The following RASSF8 variants were observed in gnomAD, a reference collection of about 807,000 sequenced individuals.
RASSF8 encodes the protein Ras association domain family member 8, also known as ras association domain-containing protein 8.
RASSF8 carries 22 observed loss-of-function variants against 48.5 expected under a neutral mutation model. The observed-to-expected ratio is 0.45, with a 90% confidence interval of 0.32 to 0.65. The LOEUF is 0.65. Ranked by LOEUF, RASSF8 falls within the 30% of genes least tolerant of loss-of-function variation. RASSF8 has a pLI of 0.03. For synonymous variants in RASSF8, 127 were observed against 171.5 expected (o/e 0.74, Z 2.03); for missense variants, 418 against 489.2 (o/e 0.85, Z 1.37).
intron 2 of RASSF8, among the ~76,000 whole-genome samples, chr12:26,034,117 C>A (rs1237463816): frequency 6.6e-6 from 1 of 151,924 alleles, no homozygotes; most frequent in African/African-American, 2.4e-5. Flanking sequence ...ATGTGGCTGC[C>A]TCACAAAGGT....
At chr12:26,047,693 C>T (rs1030852941) in intron 2 of RASSF8, among the ~76,000 whole-genome samples, 2 of 152,138 alleles carry the variant, frequency 1.3e-5, no homozygotes, top group Admixed American at 6.6e-5. Context: ...TGGTAACTAC[C>T]GTCTCTAGCA....
At chr12:25,994,273 AT>A (rs539646043) in intron 1 of RASSF8, among the ~76,000 whole-genome samples, 465 of 39,748 alleles carry the variant, frequency 0.012, 4 homozygotes, top group East Asian at 0.083. Flanking sequence ...GTCTGGATAG[AT>A]TTTTAAAAAA....
chr12:25,992,863 G>T (rs1942046707), intron 1 of RASSF8, among the ~76,000 whole-genome samples: 1 of 152,188 alleles, frequency 6.6e-6, no homozygotes, highest in South Asian at 2.1e-4. Context: ...TTATGGTTAG[G>T]AACATTTTGT....
Position 26,065,001 on chromosome 12 carries a change from G to A in RASSF8, c.607G>A (p.Glu203Lys), listed in dbSNP as rs145936448. 6.2e-7 allele frequency: 1 copy of A among 1,612,890 alleles called. No individual in the cohort carries two copies. Among genetic ancestry groups the A allele is most frequent in the Non-Finnish European group, 8.5e-7 (1 of 1,179,730 alleles). The part of the protein sequence containing the change: ...FWEQKYNSNL[E>K]EEIVRLEQKI... The stretch of plus-strand genomic sequence containing the variant: ...GGAGCAAAAGTATAATTCCAACCTT[G>A]AAGAGGAAATTGTCCGTCTAGAGCA... The change falls in exon 4 of 6, where the codon GAA (glutamate) becomes AAA (lysine). Residue 203 changes from glutamate (E) to lysine (K), a missense_variant. Glu to Lys is a moderately conservative substitution (Grantham distance 56). Transcript: ENST00000689635.
At chr12:26,039,266 C>T (rs565757710) in intron 2 of RASSF8, among the ~76,000 whole-genome samples, 7 of 151,932 alleles carry the variant, frequency 4.6e-5, no homozygotes, top group Non-Finnish European at 8.8e-5. Flanking sequence ...GCAGGTGGAA[C>T]GTGATCTCTC....
chr12:26,027,783 T>C (rs1205031733), intron 2 of RASSF8, among the ~76,000 whole-genome samples: 1 of 152,170 alleles, frequency 6.6e-6, no homozygotes, highest in African/African-American at 2.4e-5. Context: ...GTTACTTTGG[T>C]CACCTAGGGA....
chr12:26,073,752 C>CTCTCT (rs752383527), downstream of RASSF8, among the ~76,000 whole-genome samples: 15 of 97,928 alleles, frequency 1.5e-4, no homozygotes, highest in Admixed American at 1.0e-3. Context: ...TCTCTATACA[C>CTCTCT]ACACACACAC....
At position 26,072,159 on chromosome 12, in the gene RASSF8, A is replaced by C; in HGVS notation, c.*3341A>C. 3 of 981,410 alleles carry C rather than the reference A, an allele frequency of 3.1e-6. No homozygotes were observed. Among genetic ancestry groups the C allele is most frequent in the Non-Finnish European group, 3.6e-6 (3 of 826,258 alleles). The allele number at this position is 981,410 out of a possible 1,614,324, so 60.8% of individuals were successfully genotyped here. ...ATTTATATAACGATGCTGTGTTCAC[A>C]TCCCTCTCCTACCTAAAGTTGTCTT... On this transcript the variant is annotated 3_prime_UTR_variant, in exon 6 of 6. Coordinates refer to ENST00000689635, the MANE Select transcript of RASSF8 (RefSeq NM_001394098.1).
chr12:26,055,452 T>C lies in RASSF8; in HGVS notation c.103+6T>C. On this transcript the variant is annotated splice_donor_region_variant and intron_variant, in intron 3 of 5. Coordinates refer to ENST00000689635, the MANE Select transcript of RASSF8 (RefSeq NM_001394098.1). ...AGCCTTAGCTCAAGCAATAGGTGAG[T>C]GAACTCTGTGGGTATCTGAGAAAAG... 3 of 1,604,564 alleles carry C rather than the reference T, an allele frequency of 1.9e-6. 1 individual carries two copies. In the South Asian group the frequency reaches 3.3e-5, roughly 18 times the overall value.
At position 26,070,975 on chromosome 12, in the gene RASSF8, G is replaced by C; in HGVS notation, c.*2157G>C. 1 of 984,728 alleles carries C rather than the reference G, an allele frequency of 1.0e-6. No individual in the cohort carries two copies. 61.0% of individuals were successfully genotyped at this position (984,728 alleles called of 1,614,324 possible). A position where few individuals can be genotyped will look rare whatever the true frequency, so the allele number is the denominator to read the frequency against. On this transcript the variant is annotated 3_prime_UTR_variant, in exon 6 of 6. Coordinates refer to ENST00000689635, the MANE Select transcript of RASSF8 (RefSeq NM_001394098.1). The stretch of plus-strand genomic sequence containing the variant: ...TTGTAGTAGTCTTGGGTTCCCAGCA[G>C]AGTATCACAGTTAACCTCTCTGACA...
At chr12:26,068,629 A>T in intron 5 of RASSF8, 68 bp from the exon 6 acceptor site, 4 of 1,282,494 alleles carry the variant, frequency 3.1e-6, no homozygotes, top group Non-Finnish European at 4.3e-6. Flanking sequence ...AAGCAGTCTG[A>T]TTTTTTATAT....
At chr12:26,018,415 T>C (rs1942703382) in intron 2 of RASSF8, among the ~76,000 whole-genome samples, 1 of 152,182 alleles carries the variant, frequency 6.6e-6, no homozygotes, top group African/African-American at 2.4e-5. Context: ...AACATGTCAC[T>C]TTAACATTTT....
At chr12:25,984,224 CTTTTTTTTTTT>C (rs57275940) in intron 1 of RASSF8, among the ~76,000 whole-genome samples, 16 of 86,724 alleles carry the variant, frequency 1.8e-4, no homozygotes, top group African/African-American at 7.2e-4. Flanking sequence ...CTACACGTAG[CTTTTTTTTTTT>C]TTTTTTTTTT....
At chr12:25,970,499 A>T (rs1400312514) in intron 1 of RASSF8, among the ~76,000 whole-genome samples, 1 of 151,916 alleles carries the variant, frequency 6.6e-6, no homozygotes, top group Non-Finnish European at 1.5e-5. Flanking sequence ...ATCATTCACT[A>T]TCCTAATTTA....
intron 2 of RASSF8, among the ~76,000 whole-genome samples, chr12:26,019,464 G>T (rs1942733948): frequency 6.6e-6 from 1 of 152,042 alleles, no homozygotes; most frequent in Non-Finnish European, 1.5e-5. Flanking sequence ...TAAAATAACT[G>T]TGGTGCAACA....
At chr12:25,969,186 G>A (rs1941427790) in intron 1 of RASSF8, among the ~76,000 whole-genome samples, 1 of 152,206 alleles carries the variant, frequency 6.6e-6, no homozygotes, top group African/African-American at 2.4e-5. Context: ...AGACAGTTGA[G>A]AGTCTTGAAT....
chr12:26,073,192 G>T (rs1944033563), downstream of RASSF8, among the ~76,000 whole-genome samples: 1 of 152,178 alleles, frequency 6.6e-6, no homozygotes, highest in Admixed American at 6.5e-5. Context: ...GCAATATGGG[G>T]CACCGGTCAC....
intron 2 of RASSF8, among the ~76,000 whole-genome samples, chr12:26,017,296 A>G (rs890917186): frequency 1.3e-5 from 2 of 152,240 alleles, no homozygotes; most frequent in African/African-American, 2.4e-5. Context: ...GAGAAACTGC[A>G]TGATAATTTG....
Position 26,016,551 on chromosome 12 carries a change from T to C in RASSF8, c.-109+21421T>C, listed in dbSNP as rs186174065. Among the ~76,000 whole-genome samples, 757 of 152,296 alleles carry C rather than the reference T, an allele frequency of 5.0e-3. 8 individuals are homozygous for C. Among genetic ancestry groups the C allele is most frequent in the African/African-American group, 0.018 (730 of 41,566 alleles). ...TGATATTGTTATCTACATGTAAGAATCTGTGCGAAAGAGCTTTATAAATTG... is the reference window on the plus strand; with the variant it reads ...TGATATTGTTATCTACATGTAAGAACCTGTGCGAAAGAGCTTTATAAATTG... On this transcript the variant is annotated intron_variant, in intron 2 of 5. Transcript: ENST00000689635.
Sources: gnomAD v4.1 joint callset for allele counts (sites outside exome capture counted in the v4.1 genomes callset) on GRCh38, gnomAD v4.1.1 for gene constraint, MANE v1.5 for transcripts, NCBI Gene and HGNC (gene_info 2026-07-23, HGNC 2026-07-21) for gene names.